The following MEF2C variants were observed in gnomAD, a reference collection of about 807,000 sequenced individuals.
MEF2C encodes myocyte enhancer factor 2C.
MEF2C carries 6 observed loss-of-function variants against 50.5 expected under a neutral mutation model. That is an observed-to-expected ratio of 0.12 (90% CI 0.07 to 0.23). The LOEUF (loss-of-function observed/expected upper bound fraction) is 0.23, where lower values mean the gene tolerates loss of function less well. MEF2C is among the 10% of genes least tolerant of loss of function. The pLI is 1.00. For missense variants in MEF2C, 276 were observed against 605.0 expected (o/e 0.46, Z 5.70); for synonymous variants, 183 against 228.0 (o/e 0.80, Z 1.78).
chr5:88,748,536 T>C (rs942206548), intron 6 of MEF2C, among the ~76,000 whole-genome samples: 14 of 152,238 alleles, frequency 9.2e-5, no homozygotes, highest in African/African-American at 3.4e-4. Flanking sequence ...AGCTGAAATA[T>C]ATTTTAGGGT....
At chr5:88,849,204 G>A (rs1581545411) in intron 1 of MEF2C, among the ~76,000 whole-genome samples, 1 of 145,648 alleles carries the variant, frequency 6.9e-6, no homozygotes, top group African/African-American at 2.5e-5. Context: ...ATATTTTAAA[G>A]TATTTTTAAT....
At chr5:88,814,462 A>C (rs1158537864) in intron 2 of MEF2C, among the ~76,000 whole-genome samples, 1 of 152,048 alleles carries the variant, frequency 6.6e-6, no homozygotes, top group African/African-American at 2.4e-5. Flanking sequence ...ACTTGCGAGG[A>C]TGAGACAGCA....
chr5:88,860,971 C>A (rs990655299), intron 1 of MEF2C, among the ~76,000 whole-genome samples: 10 of 152,148 alleles, frequency 6.6e-5, no homozygotes, highest in Admixed American at 1.3e-4. Context: ...TTATAAAGTT[C>A]ATCACTTCCC....
At position 88,731,951 on chromosome 5, in the gene MEF2C, C is replaced by T. The variant is rs370024322; in HGVS notation, c.638-50G>A. On this transcript the variant is annotated intron_variant, in intron 6 of 10. Coordinates refer to ENST00000504921, the MANE Select transcript of MEF2C (RefSeq NM_002397.5). Reference sequence around the variant, plus strand: ...TTTAGGAAGAAATCTAGGTCAAATACGTTTCCGAAGAATACACAACATGAG... The same window carrying T: ...TTTAGGAAGAAATCTAGGTCAAATATGTTTCCGAAGAATACACAACATGAG... 134 of 1,524,864 alleles carry T rather than the reference C, an allele frequency of 8.8e-5. 1 individual carries two copies. The East Asian group carries it at 2.5e-3, about 29-fold the overall frequency. 94.5% of individuals were successfully genotyped at this position (1,524,864 alleles called of 1,614,324 possible). A position where few individuals can be genotyped will look rare whatever the true frequency, so the allele number is the denominator to read the frequency against.
chr5:88,869,355 A>G (rs866971052), intron 1 of MEF2C, among the ~76,000 whole-genome samples: 2 of 145,560 alleles, frequency 1.4e-5, no homozygotes, highest in Middle Eastern at 3.6e-3. Flanking sequence ...ATTCCTTAAA[A>G]TATTTTCTTA....
At chr5:88,752,074 A>C in intron 4 of MEF2C, 31 bp from the exon 5 acceptor site, 1 of 1,560,710 alleles carries the variant, frequency 6.4e-7, no homozygotes. Context: ...ACAAAGGTAA[A>C]AGAAAAGAAT....
intron 2 of MEF2C, among the ~76,000 whole-genome samples, chr5:88,818,779 A>G (rs1401365702): frequency 6.6e-6 from 1 of 151,802 alleles, no homozygotes; most frequent in Non-Finnish European, 1.5e-5. Context: ...TTTTCCATCC[A>G]TCTCCTCAAT....
chr5:88,806,866 C>T (rs1800663818), intron 2 of MEF2C, among the ~76,000 whole-genome samples: 2 of 152,170 alleles, frequency 1.3e-5, no homozygotes, highest in South Asian at 4.1e-4. Context: ...GGGTATATGC[C>T]GTTTTTATTT....
chr5:88,814,237 T>G (rs992252992), intron 2 of MEF2C, among the ~76,000 whole-genome samples: 3 of 152,058 alleles, frequency 2.0e-5, no homozygotes, highest in African/African-American at 4.8e-5. Context: ...AGTTTTATTT[T>G]GTTTAATTCA....
chr5:88,893,403 C>G (rs1294586503), intron 1 of MEF2C, among the ~76,000 whole-genome samples: 1 of 151,374 alleles, frequency 6.6e-6, no homozygotes, highest in African/African-American at 2.4e-5. Context: ...CTCTGCCTCC[C>G]ATAGAGATGG....
In MEF2C at chr5:88,856,739, G is replaced by T. The variant is rs1280351729; in HGVS notation, c.-143+26216C>A. On this transcript the variant is annotated intron_variant, in intron 1 of 10. Transcript: ENST00000504921. ...GCTTACACGTGGTGTTGGGCCTATGGGTACACAGAAGTCAGGACGTGAGGT... is the reference window on the plus strand; with the variant it reads ...GCTTACACGTGGTGTTGGGCCTATGTGTACACAGAAGTCAGGACGTGAGGT... 2.6e-5 allele frequency among the ~76,000 whole-genome samples: 4 copies of T among 152,340 alleles called. No homozygotes were observed. The South Asian group carries it at 6.2e-4, about 24-fold the overall frequency.
chr5:88,770,436 C>T (rs553450110), intron 3 of MEF2C, among the ~76,000 whole-genome samples: 21 of 152,290 alleles, frequency 1.4e-4, no homozygotes, highest in African/African-American at 2.2e-4. Context: ...ATTTGAAATG[C>T]GAGTAGCTTA....
At chr5:88,772,783 T>G in intron 3 of MEF2C, 1 of 985,426 alleles carries the variant, frequency 1.0e-6, no homozygotes, top group Non-Finnish European at 1.2e-6. Flanking sequence ...TCTTGAAAAT[T>G]TTCACTTTGG....
intron 2 of MEF2C, among the ~76,000 whole-genome samples, chr5:88,808,977 T>C (rs1229261334): frequency 1.3e-5 from 2 of 152,058 alleles, no homozygotes; most frequent in African/African-American, 4.8e-5. Context: ...AGGCAAAGAG[T>C]CTCTCTTTTC....
At chr5:88,775,068 A>G (rs955263172) in intron 3 of MEF2C, among the ~76,000 whole-genome samples, 4 of 152,236 alleles carry the variant, frequency 2.6e-5, no homozygotes, top group Non-Finnish European at 5.9e-5. Flanking sequence ...GTAAATTTCA[A>G]GTTTGCTAAT....
chr5:88,884,572 G>A (rs1034586192), upstream of MEF2C: 1 of 152,102 alleles, frequency 6.6e-6, no homozygotes, highest in Non-Finnish European at 1.5e-5. Context: ...CAGCTTCCTC[G>A]GAGTTCCCCC....
intron 3 of MEF2C, chr5:88,780,774 A>T (rs989915240): frequency 2.0e-6 from 2 of 985,338 alleles, no homozygotes; most frequent in African/African-American, 3.5e-5. Context: ...AACTGGCAGC[A>T]TAGGGACACT....
chr5:88,797,971 C>T (rs1796705001), intron 3 of MEF2C, among the ~76,000 whole-genome samples: 1 of 152,138 alleles, frequency 6.6e-6, no homozygotes, highest in African/African-American at 2.4e-5. Flanking sequence ...TGAATATTGG[C>T]CCCCATTCTC....
At chr5:88,779,931 G>A (rs1020911395) in intron 3 of MEF2C, among the ~76,000 whole-genome samples, 11 of 152,104 alleles carry the variant, frequency 7.2e-5, no homozygotes, top group African/African-American at 2.7e-4. Flanking sequence ...GGTCACTTGA[G>A]GTCAGGAGTT....
Sources: allele counts gnomAD v4.1 joint callset (sites outside exome capture counted in the v4.1 genomes callset), GRCh38; gene constraint gnomAD v4.1.1; transcripts MANE v1.5; gene names NCBI Gene and HGNC (gene_info 2026-07-23, HGNC 2026-07-21).